SRGAP1: variants seen among roughly 807,000 people sequenced by gnomAD.
SRGAP1 encodes the protein SLIT-ROBO Rho GTPase-activating protein 1.
SRGAP1 carries 43 observed loss-of-function variants against 121.9 expected under a neutral mutation model. The ratio of observed to expected loss-of-function variants is 0.35; its 90% CI spans 0.28 to 0.46. The LOEUF (loss-of-function observed/expected upper bound fraction) is 0.46. Ranked by LOEUF, SRGAP1 falls within the 20% of genes least tolerant of loss-of-function variation. SRGAP1 has a pLI of 1.00. For missense variants in SRGAP1, 1,102 were observed against 1,350.9 expected, an observed-to-expected ratio of 0.82 and a Z score of 2.89; for synonymous variants, 447 against 485.4, an observed-to-expected ratio of 0.92 and a Z score of 1.04.
chr12:64,044,699 T>TTTTTTTTA (rs1463008430), intron 6 of SRGAP1, among the ~76,000 whole-genome samples: 5 of 138,594 alleles, frequency 3.6e-5, no homozygotes, highest in African/African-American at 8.4e-5. Context: ...TTTTTTTTTT[T>TTTTTTTTA]AAGACAGAGT....
At chr12:64,032,111 T>G (rs1468633178) in intron 4 of SRGAP1, among the ~76,000 whole-genome samples, 1 of 152,148 alleles carries the variant, frequency 6.6e-6, no homozygotes, top group Non-Finnish European at 1.5e-5. Flanking sequence ...CACAGACAAT[T>G]TGAATGGTGA....
At chr12:63,878,225 T>G (rs1217682711) in intron 1 of SRGAP1, among the ~76,000 whole-genome samples, 3 of 152,188 alleles carry the variant, frequency 2.0e-5, no homozygotes, top group African/African-American at 7.2e-5. Context: ...GTCAGCAAAC[T>G]TTTTCTGTGA....
intron 1 of SRGAP1, among the ~76,000 whole-genome samples, chr12:63,889,684 C>G (rs972874634): frequency 1.3e-5 from 2 of 151,990 alleles, no homozygotes; most frequent in African/African-American, 2.4e-5. Flanking sequence ...CCAAGGCAGG[C>G]AGATCATGAG....
intron 4 of SRGAP1, among the ~76,000 whole-genome samples, chr12:64,027,753 T>C (rs2034685423): frequency 6.6e-6 from 1 of 152,162 alleles, no homozygotes; most frequent in South Asian, 2.1e-4. Context: ...AGGCCTCTTA[T>C]TTCTCTTTTT....
intron 1 of SRGAP1, among the ~76,000 whole-genome samples, chr12:63,954,790 A>G (rs1213935793): frequency 6.6e-6 from 1 of 151,962 alleles, no homozygotes; most frequent in Non-Finnish European, 1.5e-5. Flanking sequence ...GCTGCTTCCT[A>G]GTTTGTGGGA....
At chr12:63,985,172 A>G (rs1320426540) in intron 2 of SRGAP1, among the ~76,000 whole-genome samples, 1 of 152,196 alleles carries the variant, frequency 6.6e-6, no homozygotes, top group African/African-American at 2.4e-5. Flanking sequence ...GAAGGTCCTG[A>G]AAGAAGTGGC....
intron 1 of SRGAP1, among the ~76,000 whole-genome samples, chr12:63,892,045 T>A (rs567984160): frequency 6.6e-6 from 1 of 151,668 alleles, no homozygotes; most frequent in African/African-American, 2.4e-5. Flanking sequence ...GAAAAAATAT[T>A]CATTCCAGAA....
Position 64,095,196 on chromosome 12 carries a change from T to C in SRGAP1, c.1670T>C (p.Phe557Ser), listed in dbSNP as rs1463301932. Residue 557 changes from phenylalanine to serine, a missense_variant, in exon 14 of 22, where the codon TTT becomes TCT. Phe to Ser is a radical substitution (Grantham distance 155, BLOSUM62 -2). This residue lies in a region of SRGAP1 where 747 missense variants were observed against 929.4 expected (regional missense o/e 0.80). Transcript: ENST00000355086. ...GAAGTCAATGATATTAAAAATTCATTTGAGAGAGGTAATTGCACGTCTATC... is the reference window on the plus strand; with the variant it reads ...GAAGTCAATGATATTAAAAATTCATCTGAGAGAGGTAATTGCACGTCTATC... ...QVEVNDIKNSFERGENPLADD... is the reference protein window; with the variant it reads ...QVEVNDIKNSSERGENPLADD... The C allele has an allele frequency of 1.2e-6, 2 of 1,613,702 alleles. No homozygotes were observed. Among genetic ancestry groups the C allele is most frequent in the Non-Finnish European group, 1.7e-6 (2 of 1,179,926 alleles).
chr12:63,857,371 A>T (rs771985579), intron 1 of SRGAP1, among the ~76,000 whole-genome samples: 3 of 134,498 alleles, frequency 2.2e-5, no homozygotes, highest in Non-Finnish European at 4.7e-5. Flanking sequence ...GAGCCACCAC[A>T]CCTGGTCTGC....
At chr12:63,851,781 G>A (rs1899083538) in intron 1 of SRGAP1, among the ~76,000 whole-genome samples, 1 of 151,582 alleles carries the variant, frequency 6.6e-6, no homozygotes, top group African/African-American at 2.4e-5. Flanking sequence ...TGGCCAGGCT[G>A]GTCTCGAACT....
intron 1 of SRGAP1, among the ~76,000 whole-genome samples, chr12:63,897,815 T>C (rs1156876058): frequency 6.6e-6 from 1 of 152,218 alleles, no homozygotes; most frequent in Non-Finnish European, 1.5e-5. Flanking sequence ...GATTTTATTT[T>C]GATTAGCCTT....
At chr12:64,087,207 A>T (rs974146952) in intron 11 of SRGAP1, among the ~76,000 whole-genome samples, 181 bp downstream of exon 11, 20 of 152,176 alleles carry the variant, frequency 1.3e-4, no homozygotes, top group Non-Finnish European at 1.2e-4. Context: ...GTTCTAGCTT[A>T]TTTTTGTTTC....
chr12:63,919,303 C>T (rs932280754), intron 1 of SRGAP1, among the ~76,000 whole-genome samples: 1 of 152,086 alleles, frequency 6.6e-6, no homozygotes, highest in Non-Finnish European at 1.5e-5. Flanking sequence ...AGTGATCCAC[C>T]TGCCTTGGCC....
intron 21 of SRGAP1, among the ~76,000 whole-genome samples, chr12:64,138,639 A>G (rs942287405): frequency 6.6e-6 from 1 of 151,466 alleles, no homozygotes; most frequent in Non-Finnish European, 1.5e-5. Context: ...ATTGATTGAT[A>G]TATCTATTTT....
chr12:63,903,921 C>T (rs892340314), intron 1 of SRGAP1, among the ~76,000 whole-genome samples: 31 of 152,290 alleles, frequency 2.0e-4, no homozygotes, highest in Non-Finnish European at 4.4e-4. Context: ...GCATGAGCCA[C>T]CACACCCAGC....
chr12:64,018,271 AG>A (rs1293578338), intron 4 of SRGAP1, among the ~76,000 whole-genome samples: 1 of 151,986 alleles, frequency 6.6e-6, no homozygotes, highest in Non-Finnish European at 1.5e-5. Context: ...TTGTATTTTT[AG>A]TAGAGACAGG....
chr12:64,034,998 A>G (rs1407037118), intron 4 of SRGAP1, among the ~76,000 whole-genome samples: 1 of 151,780 alleles, frequency 6.6e-6, no homozygotes, highest in Non-Finnish European at 1.5e-5. Flanking sequence ...CTGGCCACTC[A>G]TGACCTCAGG....
intron 1 of SRGAP1, among the ~76,000 whole-genome samples, chr12:63,962,627 C>G (rs1324817694): frequency 3.3e-5 from 5 of 152,166 alleles, no homozygotes; most frequent in Middle Eastern, 3.2e-3. Context: ...AGGCTGGTCT[C>G]AAACTCCTCA....
intron 1 of SRGAP1, among the ~76,000 whole-genome samples, chr12:63,891,684 C>T (rs73126659): frequency 0.046 from 6,995 of 151,926 alleles, 211 homozygotes; most frequent in Non-Finnish European, 0.055. Context: ...AAATCTATGT[C>T]CCCCTTGAAA....
Sources: allele counts gnomAD v4.1 joint callset (sites outside exome capture counted in the v4.1 genomes callset), GRCh38; gene constraint gnomAD v4.1.1; regional missense constraint gnomAD v4.1.1; transcripts MANE v1.5; gene names NCBI Gene and HGNC (gene_info 2026-07-23, HGNC 2026-07-21).